The following NAXD variants were observed in gnomAD, a reference collection of about 807,000 sequenced individuals.
NAXD encodes the protein NAD(P)HX dehydratase.
A neutral mutation model predicts 35.8 loss-of-function variants in NAXD; 22 were observed. The observed-to-expected ratio is 0.62, with a 90% CI of 0.44 to 0.88. NAXD has a LOEUF of 0.88. NAXD is among the 40% of genes least tolerant of loss of function. The pLI is 0.00. For missense variants in NAXD, 428 were observed against 437.7 expected (o/e 0.98, Z 0.20); for synonymous variants, 189 against 177.6 (o/e 1.06, Z -0.51).
At chr13:110,633,737 G>A (rs568798764) in intron 5 of NAXD, among the ~76,000 whole-genome samples, 1 of 151,756 alleles carries the variant, frequency 6.6e-6, no homozygotes, top group Admixed American at 6.6e-5. Flanking sequence ...TTACATATAT[G>A]TGTGTGTATC....
At chr13:110,617,059 A>G (rs1311011452) in intron 1 of NAXD, among the ~76,000 whole-genome samples, 1 of 152,122 alleles carries the variant, frequency 6.6e-6, no homozygotes, top group East Asian at 1.9e-4. Context: ...TAGTAGCAAG[A>G]TTTTTCATTG....
Position 110,615,577 on chromosome 13 carries a change from A to T in NAXD, c.-25A>T, listed in dbSNP as rs995976905. ...GTGTTTCCGGCGACGGCGCGGGGGC[A>T]GCTGGGAATCCGGAATGCTGCCCGA... is the stretch of plus-strand genomic sequence containing the variant. On this transcript the variant is annotated 5_prime_UTR_variant, in exon 1 of 10. Coordinates refer to ENST00000680254, the MANE Select transcript of NAXD (RefSeq NM_001242882.2). 3 of 1,344,920 alleles carry T rather than the reference A, an allele frequency of 2.2e-6. No homozygotes were observed. The highest frequency in any genetic ancestry group is 3.1e-5 in the African/African-American group (2 of 65,432). The allele number at this position is 1,344,920 out of a possible 1,614,324, so 83.3% of individuals were successfully genotyped here.
chr13:110,635,371 C>T (rs1222628895), intron 7 of NAXD, 97 bp from the exon 8 acceptor site: 13 of 1,427,994 alleles, frequency 9.1e-6, no homozygotes, highest in East Asian at 2.3e-5. Context: ...CCTTTAGACA[C>T]GAGAGCATGA....
intron 5 of NAXD, among the ~76,000 whole-genome samples, chr13:110,630,925 C>G (rs1194885766): frequency 1.3e-5 from 2 of 152,184 alleles, no homozygotes; most frequent in Non-Finnish European, 2.9e-5. Context: ...GAAGCCTTGA[C>G]GTCGAAAGCC....
intron 4 of NAXD, among the ~76,000 whole-genome samples, chr13:110,626,630 C>T (rs1447088016): frequency 6.6e-6 from 1 of 152,102 alleles, no homozygotes; most frequent in African/African-American, 2.4e-5. Flanking sequence ...GCAGCAGGGG[C>T]CTCCAGGAGT....
At position 110,635,692 on chromosome 13, in the gene NAXD, A is replaced by AC. The variant is rs1382558391; in HGVS notation, c.718+105dup. The AC allele has an allele frequency of 3.2e-6, 4 of 1,256,990 alleles. No individual in the cohort carries two copies. The African/African-American group carries it at 5.9e-5, about 19-fold the overall frequency. 77.9% of individuals were successfully genotyped at this position (1,256,990 alleles called of 1,614,324 possible). A position where few individuals can be genotyped will look rare whatever the true frequency, so the allele number is the denominator to read the frequency against. On this transcript the variant is annotated intron_variant, in intron 8 of 9. Transcript: ENST00000680254. ...ACCTCTCCCGTGCACACCCGTGTTC[A>AC]CACACATTCACACAGGGATTCCTGA...
intron 2 of NAXD, 88 bp downstream of exon 2, chr13:110,622,454 A>G (rs922610237): frequency 1.5e-5 from 21 of 1,361,842 alleles, no homozygotes; most frequent in Non-Finnish European, 2.2e-5. Context: ...GTCTAGTTTG[A>G]CCTCAGTAAT....
At chr13:110,627,742 C>T (rs546818831) in intron 5 of NAXD, among the ~76,000 whole-genome samples, 195 bp downstream of exon 5, 2 of 152,280 alleles carry the variant, frequency 1.3e-5, no homozygotes, top group African/African-American at 2.4e-5. Context: ...TGCTTCTCTC[C>T]GGGCCCGACT....
At chr13:110,627,182 G>A (rs541278260) in intron 4 of NAXD, among the ~76,000 whole-genome samples, 1 of 152,304 alleles carries the variant, frequency 6.6e-6, no homozygotes, top group South Asian at 2.1e-4. Flanking sequence ...GTGGTTTAAT[G>A]AATAGTATTA....
At chr13:110,637,910 C>A in intron 9 of NAXD, 2 of 502,416 alleles carry the variant, frequency 4.0e-6, no homozygotes, top group Non-Finnish European at 3.9e-6. Context: ...AATTTGAGAG[C>A]CGAGGAGGTA....
rs148946345 is a variant in NAXD, at chr13:110,627,650, C to T, written c.441+103C>T. On this transcript the variant is annotated intron_variant, in intron 5 of 9. Coordinates refer to ENST00000680254, the MANE Select transcript of NAXD (RefSeq NM_001242882.2). ...GCATTTTGTGTAGTGTTCCGTGTGC[C>T]TCTTTGTGGCATGATTGAGATAAGA... 4.0e-6 allele frequency: 3 copies of T among 748,670 alleles called. No homozygotes were observed. In the East Asian group the frequency reaches 7.8e-5, roughly 20 times the overall value. The allele number at this position is 748,670 out of a possible 1,614,324, so 46.4% of individuals were successfully genotyped here. A position where few individuals can be genotyped will look rare whatever the true frequency, so the allele number is the denominator to read the frequency against.
intron 3 of NAXD, 37 bp downstream of exon 3, chr13:110,624,316 TG>T (rs1886378667): frequency 7.8e-7 from 1 of 1,289,554 alleles, no homozygotes; most frequent in East Asian, 2.3e-5. Flanking sequence ...GGGATTTTTC[TG>T]GTAGAGAGTT....
In NAXD at chr13:110,637,311, T is replaced by G. The variant is rs913665945; in HGVS notation, c.839+62T>G. ...GTCTGATTTTTCTAAGCTGTTTCAG[T>G]AGCTCATGCGTTGAATAAGTAGCCC... On this transcript the variant is annotated intron_variant, in intron 9 of 9. Transcript: ENST00000680254. The G allele has an allele frequency of 4.1e-5, 65 of 1,588,450 alleles. No individual in the cohort carries two copies. The East Asian group carries it at 7.6e-4, about 19-fold the overall frequency.
rs926830904 is a variant in NAXD, at chr13:110,624,166, CTATT to C, written c.198-63_198-60del. 3.5e-6 allele frequency: 3 copies of C among 856,910 alleles called. No individual in the cohort carries two copies. The African/African-American group carries it at 5.1e-5, about 15-fold the overall frequency. The allele number at this position is 856,910 out of a possible 1,614,324, so 53.1% of individuals were successfully genotyped here. A position where few individuals can be genotyped will look rare whatever the true frequency, so the allele number is the denominator to read the frequency against. Reference sequence around the variant, plus strand: ...TTTATGTCTATTTTTTATTGATAACCTATTTATTGATCAAGGTATGCTTACCTTA... The same window carrying C: ...TTTATGTCTATTTTTTATTGATAACCTATTGATCAAGGTATGCTTACCTTA... On this transcript the variant is annotated intron_variant, in intron 2 of 9. Transcript: ENST00000680254.
At chr13:110,620,940 T>C (rs187568463) in intron 1 of NAXD, among the ~76,000 whole-genome samples, 17 of 152,344 alleles carry the variant, frequency 1.1e-4, no homozygotes, top group Admixed American at 4.6e-4. Context: ...TTGAGCTCTA[T>C]AGAACATACC....
intron 1 of NAXD, among the ~76,000 whole-genome samples, chr13:110,620,392 C>T (rs1234074833): frequency 1.3e-5 from 2 of 151,652 alleles, no homozygotes; most frequent in Non-Finnish European, 2.9e-5. Context: ...CCACCCTGGC[C>T]AACATGGTGA....
intron 5 of NAXD, 129 bp from the exon 6 acceptor site, chr13:110,634,416 C>A: frequency 4.5e-6 from 4 of 890,834 alleles, no homozygotes; most frequent in South Asian, 2.9e-5. Flanking sequence ...ACTGCCACAT[C>A]ACCTTTTAAA....
At chr13:110,616,076 G>T in intron 1 of NAXD, 1 of 347,436 alleles carries the variant, frequency 2.9e-6, no homozygotes, top group Non-Finnish European at 5.2e-6. Flanking sequence ...GGGCCCTGGG[G>T]CGCCGTGGTG....
At position 110,628,365 on chromosome 13, in the gene NAXD, G is replaced by A. The variant is rs1041143; in HGVS notation, c.441+818G>A. ...CACAGGGTGCTCACATGTGCAAGGC[G>A]TGGTGACTGCATGGGGATCAGAGGC... On this transcript the variant is annotated intron_variant, in intron 5 of 9. Coordinates refer to ENST00000680254, the MANE Select transcript of NAXD (RefSeq NM_001242882.2). The surrounding 1 kb of genome is among the most constrained non-coding windows in gnomAD (Gnocchi z 4.1). Among the ~76,000 whole-genome samples, 6 of 152,250 alleles carry A rather than the reference G, an allele frequency of 3.9e-5. No individual in the cohort carries two copies. The highest frequency in any genetic ancestry group is 2.1e-4 in the South Asian group (1 of 4,830).
Sources: gnomAD v4.1 joint callset for allele counts (sites outside exome capture counted in the v4.1 genomes callset) on GRCh38, gnomAD v4.1.1 for gene constraint, Gnocchi (gnomAD v3.1) non-coding constraint, MANE v1.5 for transcripts, NCBI Gene and HGNC (gene_info 2026-07-23, HGNC 2026-07-21) for gene names.